MAGI2: variants seen among roughly 807,000 people sequenced by gnomAD.
The protein encoded by MAGI2 is membrane-associated guanylate kinase, WW and PDZ domain-containing protein 2.
A neutral mutation model predicts 133.3 loss-of-function variants in MAGI2; 35 were observed. That is an observed-to-expected ratio of 0.26 (90% CI 0.20 to 0.35). The LOEUF (loss-of-function observed/expected upper bound fraction) is 0.35, where lower values mean the gene tolerates loss of function less well. Ranked by LOEUF, MAGI2 falls within the 10% of genes least tolerant of loss-of-function variation. The pLI is 1.00. For missense variants in MAGI2, 1,636 were observed against 1,863.4 expected (o/e 0.88, Z 2.25); for synonymous variants, 729 against 710.6 (o/e 1.03, Z -0.41).
At chr7:78,734,125 T>C (rs1187695941) in intron 2 of MAGI2, among the ~76,000 whole-genome samples, 1 of 152,176 alleles carries the variant, frequency 6.6e-6, no homozygotes, top group Non-Finnish European at 1.5e-5. Context: ...AGCAATCAGA[T>C]GCAATAAGAC....
rs1235156875 is a variant in MAGI2, at chr7:78,018,677, C to G, written c.*638G>C. On this transcript the variant is annotated 3_prime_UTR_variant, in exon 22 of 22. Coordinates refer to ENST00000354212, the MANE Select transcript of MAGI2 (RefSeq NM_012301.4). The stretch of plus-strand genomic sequence containing the variant: ...AAATGGCATCACACCAAGAAACTCA[C>G]TAGATTTCTAAGTCATCCTGCAGGA... The G allele has an allele frequency of 6.5e-6, 1 of 153,260 alleles. No individual in the cohort carries two copies. Among genetic ancestry groups the G allele is most frequent in the Non-Finnish European group, 1.5e-5 (1 of 68,552 alleles). 9.5% of individuals were successfully genotyped at this position (153,260 alleles called of 1,614,324 possible).
At chr7:79,112,136 T>C (rs1818980321) in intron 1 of MAGI2, among the ~76,000 whole-genome samples, 1 of 152,060 alleles carries the variant, frequency 6.6e-6, no homozygotes, top group South Asian at 2.1e-4. Flanking sequence ...TCTATAATTA[T>C]ACATTTTTTT....
chr7:78,663,354 G>A (rs1207462263), intron 2 of MAGI2, among the ~76,000 whole-genome samples: 4 of 151,766 alleles, frequency 2.6e-5, no homozygotes, highest in African/African-American at 7.3e-5. Flanking sequence ...TTATAGGCAC[G>A]CGCTACCACA....
intron 2 of MAGI2, among the ~76,000 whole-genome samples, chr7:78,726,074 A>T (rs1171129055): frequency 6.6e-6 from 1 of 152,196 alleles, no homozygotes; most frequent in Non-Finnish European, 1.5e-5. Flanking sequence ...TAAATTATAA[A>T]GATAATTTGG....
intron 1 of MAGI2, among the ~76,000 whole-genome samples, chr7:79,092,171 A>G (rs1379882005): frequency 6.6e-6 from 1 of 152,208 alleles, no homozygotes; most frequent in Non-Finnish European, 1.5e-5. Flanking sequence ...GTCAGATTCT[A>G]AGCTATTATG....
Position 78,163,182 on chromosome 7 carries a change from G to A in MAGI2, c.2597-2909C>T, listed in dbSNP as rs537974756. ...AGACAGAGTCTCACTCTGTCGCCCA[G>A]GCTGGAGTGCAGTGGCGCGGTCTTG... On this transcript the variant is annotated intron_variant, in intron 15 of 21. Transcript: ENST00000354212. 2.6e-5 allele frequency among the ~76,000 whole-genome samples: 4 copies of A among 152,212 alleles called. No homozygotes were observed. In the East Asian group the frequency reaches 7.8e-4, roughly 30 times the overall value.
At chr7:79,028,977 T>C (rs1349935299) in intron 1 of MAGI2, among the ~76,000 whole-genome samples, 1 of 152,190 alleles carries the variant, frequency 6.6e-6, no homozygotes, top group African/African-American at 2.4e-5. Flanking sequence ...AAAGTAAGTA[T>C]AAAAAACACA....
At position 78,495,160 on chromosome 7, in the gene MAGI2, C is replaced by T. The variant is rs183237662; in HGVS notation, c.966-5320G>A. The stretch of plus-strand genomic sequence containing the variant: ...TAAGTTCTGGGGTACATGTGCAGAA[C>T]GTGCAGGTTTGTTGCATAGGTATAC... On this transcript the variant is annotated intron_variant, in intron 5 of 21. Transcript: ENST00000354212. 1.5e-3 allele frequency among the ~76,000 whole-genome samples: 232 copies of T among 152,216 alleles called. 1 individual carries two copies. The highest frequency in any genetic ancestry group is 6.8e-3 in the Middle Eastern group (2 of 294).
chr7:79,133,307 T>C (rs373270814), intron 1 of MAGI2, among the ~76,000 whole-genome samples: 62 of 152,332 alleles, frequency 4.1e-4, no homozygotes, highest in African/African-American at 7.7e-4. Context: ...CTTTGATCCA[T>C]CATGAGCTGA....
At chr7:78,661,630 A>C (rs1013289411) in intron 2 of MAGI2, among the ~76,000 whole-genome samples, 1 of 152,128 alleles carries the variant, frequency 6.6e-6, no homozygotes, top group Non-Finnish European at 1.5e-5. Flanking sequence ...TCCCTCACTC[A>C]ACTAGACCAG....
intron 6 of MAGI2, among the ~76,000 whole-genome samples, chr7:78,462,075 T>C (rs989649012): frequency 1.3e-5 from 2 of 152,126 alleles, no homozygotes; most frequent in Non-Finnish European, 2.9e-5. Context: ...ATCAAATATG[T>C]GACTCCATGG....
chr7:78,364,155 G>A (rs1793138204), intron 7 of MAGI2, among the ~76,000 whole-genome samples: 2 of 152,208 alleles, frequency 1.3e-5, no homozygotes, highest in South Asian at 4.1e-4. Context: ...CAAAATTGAT[G>A]TGTGCAAATT....
chr7:79,351,088 A>T (rs1841657896), intron 1 of MAGI2, among the ~76,000 whole-genome samples: 1 of 152,188 alleles, frequency 6.6e-6, no homozygotes, highest in Admixed American at 6.5e-5. Flanking sequence ...TTCTAAAACC[A>T]GGAAAAGTTG....
intron 6 of MAGI2, among the ~76,000 whole-genome samples, chr7:78,449,851 T>G (rs1788536599): frequency 6.6e-6 from 1 of 152,128 alleles, no homozygotes; most frequent in African/African-American, 2.4e-5. Flanking sequence ...GAATTAAAAG[T>G]AACTTTCTCA....
intron 9 of MAGI2, among the ~76,000 whole-genome samples, chr7:78,296,793 ATATT>A (rs143361388): frequency 0.022 from 3,351 of 152,292 alleles, 120 homozygotes; most frequent in African/African-American, 0.076. Context: ...TGCTGAATGA[ATATT>A]TAGCTTTGGA....
intron 2 of MAGI2, among the ~76,000 whole-genome samples, chr7:78,872,290 A>G (rs1454781851): frequency 6.6e-6 from 1 of 152,070 alleles, no homozygotes; most frequent in Non-Finnish European, 1.5e-5. Flanking sequence ...ATATTAGTAA[A>G]TAAAAATACA....
intron 9 of MAGI2, among the ~76,000 whole-genome samples, chr7:78,309,501 C>T (rs117735175): frequency 0.017 from 2,515 of 151,982 alleles, 27 homozygotes; most frequent in Admixed American, 0.027. Context: ...TATACATGGA[C>T]GCAAAGAGGG....
At chr7:78,402,754 ATAT>A (rs1048873137) in intron 6 of MAGI2, among the ~76,000 whole-genome samples, 1 of 152,196 alleles carries the variant, frequency 6.6e-6, no homozygotes, top group African/African-American at 2.4e-5. Flanking sequence ...TTACAAATGA[ATAT>A]TATTAACTTC....
chr7:79,451,386 T>G (rs1429517200), intron 1 of MAGI2, among the ~76,000 whole-genome samples: 2 of 152,222 alleles, frequency 1.3e-5, no homozygotes, highest in Non-Finnish European at 2.9e-5. Context: ...AAGGTGGTAT[T>G]TTGACATCGA....
Sources: allele counts gnomAD v4.1 joint callset (sites outside exome capture counted in the v4.1 genomes callset), GRCh38; gene constraint gnomAD v4.1.1; transcripts MANE v1.5; gene names NCBI Gene and HGNC (gene_info 2026-07-23, HGNC 2026-07-21).